SDHB: variants seen among roughly 807,000 people sequenced by gnomAD.
SDHB encodes succinate dehydrogenase [ubiquinone] iron-sulfur subunit, mitochondrial.
A neutral mutation model predicts 39.7 loss-of-function variants in SDHB; 21 were observed. That is an observed-to-expected ratio of 0.53 (90% CI 0.37 to 0.76). The LOEUF (loss-of-function observed/expected upper bound fraction) is 0.76. SDHB is among the 30% of genes least tolerant of loss of function. SDHB has a pLI of 0.00. For synonymous variants in SDHB, 118 were observed against 117.0 expected (o/e 1.01, Z -0.06); for missense variants, 343 against 350.9 (o/e 0.98, Z 0.18).
chr1:17,049,595 C>T (rs2078133264), intron 1 of SDHB, among the ~76,000 whole-genome samples: 1 of 148,844 alleles, frequency 6.7e-6, no homozygotes, highest in South Asian at 2.2e-4. Context: ...CCGCGCCTGG[C>T]CCCTAACCGG....
intron 1 of SDHB, among the ~76,000 whole-genome samples, chr1:17,050,594 G>T (rs1449129123): frequency 6.6e-6 from 1 of 151,744 alleles, no homozygotes; most frequent in Non-Finnish European, 1.5e-5. Context: ...GGAGGGTACG[G>T]TGAGCCAAGA....
intron 3 of SDHB, chr1:17,032,567 G>A (rs2078029482): frequency 5.1e-6 from 1 of 195,372 alleles, no homozygotes; most frequent in Non-Finnish European, 1.1e-5. Context: ...TGCCTCAAAT[G>A]GGCTCATGTG....
At chr1:17,040,939 G>A (rs756640233) in intron 2 of SDHB, among the ~76,000 whole-genome samples, 3 of 152,070 alleles carry the variant, frequency 2.0e-5, no homozygotes, top group Non-Finnish European at 4.4e-5. Flanking sequence ...AGACCAGCCT[G>A]CCAACATGGC....
At chr1:17,023,813 A>T (rs776289349) in intron 6 of SDHB, among the ~76,000 whole-genome samples, 160 bp downstream of exon 6, 2 of 152,244 alleles carry the variant, frequency 1.3e-5, no homozygotes, top group African/African-American at 2.4e-5. Flanking sequence ...ATTTACCGAA[A>T]GCAAGTGAAT....
At chr1:17,019,723 C>A (rs1409782239) in intron 7 of SDHB, among the ~76,000 whole-genome samples, 1 of 152,030 alleles carries the variant, frequency 6.6e-6, no homozygotes, top group African/African-American at 2.4e-5. Flanking sequence ...GAAAAGAGAT[C>A]TTGAGAGAAG....
intron 2 of SDHB, among the ~76,000 whole-genome samples, chr1:17,034,854 A>C (rs908964600): frequency 3.9e-5 from 6 of 152,138 alleles, no homozygotes; most frequent in Admixed American, 2.6e-4. Flanking sequence ...GTTTGTCATA[A>C]ATTTACTAAT....
intron 2 of SDHB, among the ~76,000 whole-genome samples, chr1:17,043,725 C>CCTG (rs2078093703): frequency 6.6e-6 from 1 of 152,124 alleles, no homozygotes; most frequent in Non-Finnish European, 1.5e-5. Context: ...AAGAACTCAA[C>CCTG]CTGCTGCTGC....
chr1:17,034,675 TG>T (rs2078041972), intron 2 of SDHB, among the ~76,000 whole-genome samples: 1 of 152,116 alleles, frequency 6.6e-6, no homozygotes, highest in East Asian at 1.9e-4. Flanking sequence ...CGACTGCGTC[TG>T]GCCCATTATC....
chr1:17,049,201 A>C (rs2078130750), intron 1 of SDHB, among the ~76,000 whole-genome samples: 2 of 152,106 alleles, frequency 1.3e-5, no homozygotes, highest in South Asian at 4.1e-4. Flanking sequence ...ATGTTGGCTA[A>C]GCTGGTATGG....
intron 2 of SDHB, among the ~76,000 whole-genome samples, chr1:17,040,293 A>C (rs2078073033): frequency 6.6e-6 from 1 of 152,080 alleles, no homozygotes; most frequent in Non-Finnish European, 1.5e-5. Flanking sequence ...GCATAGTTTT[A>C]TTTTTATTTA....
chr1:17,038,278 TTTTC>T (rs2078061177), intron 2 of SDHB, among the ~76,000 whole-genome samples: 1 of 152,258 alleles, frequency 6.6e-6, no homozygotes, highest in African/African-American at 2.4e-5. Context: ...TCCAATTTCC[TTTTC>T]TTTCTTTTTC....
intron 2 of SDHB, among the ~76,000 whole-genome samples, chr1:17,036,094 A>G (rs542067837): frequency 6.6e-6 from 1 of 152,200 alleles, no homozygotes; most frequent in Non-Finnish European, 1.5e-5. Flanking sequence ...TTGCATTTCT[A>G]TAAGATTTTT....
At chr1:17,038,577 G>A (rs959250234) in intron 2 of SDHB, among the ~76,000 whole-genome samples, 2 of 152,158 alleles carry the variant, frequency 1.3e-5, no homozygotes, top group South Asian at 4.1e-4. Context: ...TTCATGGACT[G>A]GCTAGAACCT....
chr1:17,043,519 G>A (rs943617651), intron 2 of SDHB, among the ~76,000 whole-genome samples: 8 of 152,122 alleles, frequency 5.3e-5, no homozygotes, highest in Non-Finnish European at 1.0e-4. Flanking sequence ...GCTTTTGTTT[G>A]AAACAAATAA....
rs551375361 is a variant in SDHB, at chr1:17,030,658, T to A, written c.287-1922A>T. On this transcript the variant is annotated intron_variant, in intron 3 of 7. Coordinates refer to ENST00000375499, the MANE Select transcript of SDHB (RefSeq NM_003000.3). ...AGATCATTAGGTCAGAGAAACCTGA[T>A]TGCTTGAGAAAGTTGCACTGGTTAT... Among the ~76,000 whole-genome samples, 3 of 152,208 alleles carry A rather than the reference T, an allele frequency of 2.0e-5. No homozygotes were observed. In the South Asian group the frequency reaches 6.2e-4, roughly 32 times the overall value.
At chr1:17,049,447 G>A (rs2078132456) in intron 1 of SDHB, among the ~76,000 whole-genome samples, 1 of 151,862 alleles carries the variant, frequency 6.6e-6, no homozygotes, top group African/African-American at 2.4e-5. Flanking sequence ...ACAGGCATGT[G>A]CCATAAAGTC....
At chr1:17,020,549 T>C (rs1053964750) in intron 7 of SDHB, among the ~76,000 whole-genome samples, 1 of 152,200 alleles carries the variant, frequency 6.6e-6, no homozygotes. Flanking sequence ...ATGCACAGGT[T>C]TGTGACCAGG....
intron 1 of SDHB, chr1:17,045,221 G>T (rs1175574311): frequency 1.8e-5 from 6 of 342,720 alleles, no homozygotes; most frequent in Admixed American, 8.6e-5. Context: ...GGGAGCTCTG[G>T]ATGAATACAG....
intron 1 of SDHB, among the ~76,000 whole-genome samples, chr1:17,050,631 A>G (rs920570732): frequency 6.6e-6 from 1 of 150,944 alleles, no homozygotes; most frequent in Non-Finnish European, 1.5e-5. Context: ...CATCCTGGGC[A>G]ACAACGTGAG....
Sources: gnomAD v4.1 joint callset for allele counts (sites outside exome capture counted in the v4.1 genomes callset) on GRCh38, gnomAD v4.1.1 for gene constraint, MANE v1.5 for transcripts, NCBI Gene and HGNC (gene_info 2026-07-23, HGNC 2026-07-21) for gene names.